Variants in NPAS2 observed in about 807,000 individuals in gnomAD.
The protein encoded by NPAS2 is neuronal PAS domain-containing protein 2.
Under a neutral mutation model 107.5 loss-of-function variants are expected in NPAS2, and 23 were observed. The ratio of observed to expected loss-of-function variants is 0.21; its 90% CI spans 0.15 to 0.30. The LOEUF is 0.30. NPAS2 is among the 10% of genes least tolerant of loss of function. NPAS2 has a pLI of 1.00. For missense variants in NPAS2, 756 were observed against 1,043.3 expected (o/e 0.72, Z 3.79); for synonymous variants, 403 against 417.5 (o/e 0.97, Z 0.42).
intron 10 of NPAS2, among the ~76,000 whole-genome samples, chr2:100,966,010 C>T (rs752656358): frequency 1.1e-4 from 17 of 152,158 alleles, no homozygotes; most frequent in Non-Finnish European, 1.6e-4. Flanking sequence ...TCCAGATAGG[C>T]GCCCTGTTTA....
chr2:100,891,156 CG>C (rs1451341592), intron 1 of NPAS2, among the ~76,000 whole-genome samples: 2 of 150,738 alleles, frequency 1.3e-5, no homozygotes, highest in Non-Finnish European at 2.9e-5. Flanking sequence ...GGCGTGAACC[CG>C]GGGGGTGGAG....
At position 100,886,099 on chromosome 2, in the gene NPAS2, G is replaced by C. The variant is rs898395099; in HGVS notation, c.-22-18634G>C. Among the ~76,000 whole-genome samples, 3 of 152,304 alleles carry C rather than the reference G, an allele frequency of 2.0e-5. No individual in the cohort carries two copies. In the South Asian group the frequency reaches 6.2e-4, roughly 32 times the overall value. On this transcript the variant is annotated intron_variant, in intron 1 of 20. Coordinates refer to ENST00000335681, the MANE Select transcript of NPAS2 (RefSeq NM_002518.4). ...TTCAAAATTGCAGTGAGTTGTGGTCGCCTGGAAACCAGGTGTATGATACTT... is the reference window on the plus strand; with the variant it reads ...TTCAAAATTGCAGTGAGTTGTGGTCCCCTGGAAACCAGGTGTATGATACTT...
intron 1 of NPAS2, among the ~76,000 whole-genome samples, chr2:100,862,509 T>C (rs2104533744): frequency 6.6e-6 from 1 of 152,302 alleles, no homozygotes; most frequent in East Asian, 1.9e-4. Context: ...AGCTTGGCAG[T>C]GCAGAAGGCT....
intron 11 of NPAS2, 112 bp from the exon 12 acceptor site, chr2:100,970,878 G>A (rs936747277): frequency 2.4e-6 from 2 of 829,352 alleles, no homozygotes; most frequent in South Asian, 1.6e-5. Flanking sequence ...TGACTGTTGT[G>A]GGGGGCAGGG....
At chr2:100,936,853 G>GCA (rs1684333552) in intron 4 of NPAS2, among the ~76,000 whole-genome samples, 1 of 151,892 alleles carries the variant, frequency 6.6e-6, no homozygotes, top group African/African-American at 2.4e-5. Context: ...CTGGTGGCAT[G>GCA]TGCCTGTAAT....
chr2:100,834,290 A>T (rs1463121944), intron 1 of NPAS2, among the ~76,000 whole-genome samples: 1 of 152,154 alleles, frequency 6.6e-6, no homozygotes, highest in African/African-American at 2.4e-5. Context: ...GCCACGCCAC[A>T]GGCCAACTAC....
intron 1 of NPAS2, among the ~76,000 whole-genome samples, chr2:100,903,165 AAC>A (rs1681897365): frequency 6.6e-6 from 1 of 152,172 alleles, no homozygotes; most frequent in Admixed American, 6.5e-5. Context: ...CCTGGTAAAG[AAC>A]ACAGCGTGGC....
intron 1 of NPAS2, among the ~76,000 whole-genome samples, chr2:100,843,177 C>T (rs760643423): frequency 1.9e-4 from 28 of 151,220 alleles, no homozygotes; most frequent in Non-Finnish European, 3.4e-4. Context: ...TGAGATCGCA[C>T]CACTGCACTC....
At chr2:100,959,280 A>T (rs548565981) in intron 7 of NPAS2, among the ~76,000 whole-genome samples, 3,907 of 146,398 alleles carry the variant, frequency 0.027, 73 homozygotes, top group East Asian at 0.078. Context: ...AAAAAAAAAA[A>T]TTTTTTTGCA....
intron 2 of NPAS2, among the ~76,000 whole-genome samples, chr2:100,918,270 A>T (rs914228865): frequency 1.3e-5 from 2 of 152,150 alleles, no homozygotes; most frequent in Non-Finnish European, 2.9e-5. Context: ...TTATAAATCT[A>T]AATGTAAAAT....
chr2:100,855,614 G>A (rs2309992), intron 1 of NPAS2, among the ~76,000 whole-genome samples: 21,905 of 152,168 alleles, frequency 0.14, 3,372 homozygotes, highest in African/African-American at 0.38. Context: ...CAAAATGGCA[G>A]CTCTTTGCCC....
chr2:100,854,750 G>A (rs909079882), intron 1 of NPAS2, among the ~76,000 whole-genome samples: 8 of 152,142 alleles, frequency 5.3e-5, no homozygotes, highest in African/African-American at 1.9e-4. Flanking sequence ...ATAAATGCAG[G>A]CCAAAATAAC....
chr2:100,991,071 C>T (rs1487730602), intron 19 of NPAS2, among the ~76,000 whole-genome samples, 199 bp downstream of exon 19: 2 of 152,190 alleles, frequency 1.3e-5, no homozygotes, highest in South Asian at 2.1e-4. Context: ...AAAAACTCAG[C>T]GCTCCATGCT....
Position 100,925,186 on chromosome 2 carries a change from T to C in NPAS2, c.73T>C (p.Phe25Leu). 1 of 1,614,086 alleles carries C rather than the reference T, an allele frequency of 6.2e-7. No homozygotes were observed. The stretch of plus-strand genomic sequence containing the variant: ...GTCTGAGAAGAAGCGTCGGGACCAG[T>C]TCAATGTTCTCATCAAAGAGCTCAG... ...NKSEKKRRDQ[F>L]NVLIKELSSM... The change falls in exon 3 of 21, where the codon TTC (phenylalanine) becomes CTC (leucine). Residue 25 changes from phenylalanine (F) to leucine (L), a missense_variant. Phe to Leu is a conservative substitution (Grantham distance 22). Coordinates refer to ENST00000335681, the MANE Select transcript of NPAS2 (RefSeq NM_002518.4).
intron 1 of NPAS2, among the ~76,000 whole-genome samples, chr2:100,876,320 G>C (rs1438264736): frequency 6.6e-6 from 1 of 152,228 alleles, no homozygotes; most frequent in Non-Finnish European, 1.5e-5. Flanking sequence ...ATTGCGTGGA[G>C]AAATTCAGTG....
rs369418264 is a variant in NPAS2, at chr2:100,957,415, C to G, written c.599-6643C>G. On this transcript the variant is annotated intron_variant, in intron 7 of 20. Coordinates refer to ENST00000335681, the MANE Select transcript of NPAS2 (RefSeq NM_002518.4). The stretch of plus-strand genomic sequence containing the variant: ...CTAATCAACTGTTTCCAGAATAGAG[C>G]TTAACAAGATGATTTTATTTAGGGC... Among the ~76,000 whole-genome samples, 6 of 152,344 alleles carry G rather than the reference C, an allele frequency of 3.9e-5. No homozygotes were observed. The East Asian group carries it at 1.2e-3, about 29-fold the overall frequency.
chr2:100,926,967 CTTGTT>C (rs1340083287), intron 3 of NPAS2, among the ~76,000 whole-genome samples: 3 of 111,304 alleles, frequency 2.7e-5, no homozygotes, highest in Non-Finnish European at 5.3e-5. Context: ...TTGAGACAGT[CTTGTT>C]CTGTCACCAA....
chr2:100,842,109 A>ACACACACACACACACT (rs1558798546), intron 1 of NPAS2, among the ~76,000 whole-genome samples: 1 of 151,118 alleles, frequency 6.6e-6, no homozygotes, highest in Non-Finnish European at 1.5e-5. Flanking sequence ...ACACACACAC[A>ACACACACACACACACT]CTTAAGCCCC....
chr2:100,835,676 A>C (rs778164429), intron 1 of NPAS2, among the ~76,000 whole-genome samples: 4 of 152,216 alleles, frequency 2.6e-5, no homozygotes, highest in Non-Finnish European at 4.4e-5. Flanking sequence ...AGTCAGGTAC[A>C]TCTTTCTTCA....
Sources: allele counts gnomAD v4.1 joint callset (sites outside exome capture counted in the v4.1 genomes callset), GRCh38; gene constraint gnomAD v4.1.1; transcripts MANE v1.5; gene names NCBI Gene and HGNC (gene_info 2026-07-23, HGNC 2026-07-21).